RNF180: variants seen among roughly 807,000 people sequenced by gnomAD.
RNF180 encodes the protein ring finger protein 180, also known as E3 ubiquitin-protein ligase RNF180.
RNF180 carries 38 observed loss-of-function variants against 59.2 expected under a neutral mutation model. The ratio of observed to expected loss-of-function variants is 0.64; its 90% CI spans 0.50 to 0.84. RNF180 has a LOEUF of 0.84. Ranked by LOEUF, RNF180 falls within the 40% of genes least tolerant of loss-of-function variation. The pLI, the probability that RNF180 is intolerant of heterozygous loss-of-function variation, is 0.00. For synonymous variants in RNF180, 262 were observed against 240.3 expected (o/e 1.09, Z -0.84); for missense variants, 705 against 700.9 (o/e 1.01, Z -0.07).
intron 4 of RNF180, among the ~76,000 whole-genome samples, chr5:64,215,240 A>G (rs1371723940): frequency 2.6e-5 from 4 of 152,134 alleles, no homozygotes; most frequent in Non-Finnish European, 4.4e-5. Context: ...TCGAACCAAT[A>G]TGTTTCTGAA....
At chr5:64,246,585 C>A (rs1328963788) in intron 5 of RNF180, among the ~76,000 whole-genome samples, 1 of 152,194 alleles carries the variant, frequency 6.6e-6, no homozygotes, top group Non-Finnish European at 1.5e-5. Context: ...CCTGAATAGA[C>A]CAATAACAAG....
At chr5:64,266,789 A>T (rs1744704761) in intron 5 of RNF180, among the ~76,000 whole-genome samples, 1 of 152,166 alleles carries the variant, frequency 6.6e-6, no homozygotes, top group Admixed American at 6.6e-5. Flanking sequence ...CAGGACAGAT[A>T]GATGTGTATT....
At chr5:64,252,663 G>A (rs1743659562) in intron 5 of RNF180, among the ~76,000 whole-genome samples, 1 of 152,148 alleles carries the variant, frequency 6.6e-6, no homozygotes, top group Admixed American at 6.6e-5. Context: ...CATGAGGACA[G>A]CTGCCCAGAA....
At chr5:64,226,120 G>A (rs1741738727) in intron 5 of RNF180, among the ~76,000 whole-genome samples, 2 of 152,220 alleles carry the variant, frequency 1.3e-5, no homozygotes, top group Middle Eastern at 3.4e-3. Context: ...AGTGAGGAGT[G>A]CCTCTGCCCG....
intron 4 of RNF180, among the ~76,000 whole-genome samples, chr5:64,217,105 C>T (rs765259804): frequency 6.6e-6 from 1 of 152,056 alleles, no homozygotes; most frequent in African/African-American, 2.4e-5. Context: ...ATATAGAATC[C>T]TATAGTATAC....
At chr5:64,291,180 G>C (rs148609148) in intron 5 of RNF180, among the ~76,000 whole-genome samples, 2 of 152,236 alleles carry the variant, frequency 1.3e-5, no homozygotes, top group East Asian at 1.9e-4. Flanking sequence ...CTGACTTGTA[G>C]AGTTTCCACT....
intron 5 of RNF180, among the ~76,000 whole-genome samples, chr5:64,261,572 T>A (rs1356117825): frequency 6.6e-6 from 1 of 152,236 alleles, no homozygotes; most frequent in Admixed American, 6.5e-5. Flanking sequence ...TAGGATGTTA[T>A]TTATTTTTGA....
Position 64,325,404 on chromosome 5 carries a change from C to T in RNF180, c.1446C>T (p.Phe482=), listed in dbSNP as rs532086334. ...LCRTIISRVF[F]QTELNNATKT... ...GGACAATTATTTCTAGAGTCTTTTT[C>T]CAAACAGGTAACAATTCTCTTTCAT... Residue 482 remains phenylalanine, a synonymous_variant, in exon 6 of 8, where the codon TTC becomes TTT. Coordinates refer to ENST00000389100, the MANE Select transcript of RNF180 (RefSeq NM_001113561.2). The T allele has an allele frequency of 1.9e-6, 3 of 1,540,718 alleles. No individual in the cohort carries two copies. The highest frequency in any genetic ancestry group is 1.4e-5 in the African/African-American group (1 of 72,940).
chr5:64,367,999 G>GT lies in RNF180; in HGVS notation c.1580-1610dup, dbSNP rs1343075352. 1.1e-4 allele frequency among the ~76,000 whole-genome samples: 17 copies of GT among 151,774 alleles called. 1 individual carries two copies. In the East Asian group the frequency reaches 2.3e-3, roughly 21 times the overall value. ...AAAAAAACAAGTTGCTATTGAGCAGGTTTTTTCTCAAGCTCTAATTAGCAT... is the reference window on the plus strand; with the variant it reads ...AAAAAAACAAGTTGCTATTGAGCAGGTTTTTTTCTCAAGCTCTAATTAGCAT... On this transcript the variant is annotated intron_variant, in intron 7 of 7. Transcript: ENST00000389100.
intron 1 of RNF180, among the ~76,000 whole-genome samples, chr5:64,194,497 T>A (rs1323392091): frequency 6.6e-6 from 1 of 152,216 alleles, no homozygotes; most frequent in Non-Finnish European, 1.5e-5. Flanking sequence ...CAGCATGATT[T>A]ATAATCCTTT....
At chr5:64,304,277 G>A (rs1337489050) in intron 5 of RNF180, among the ~76,000 whole-genome samples, 1 of 151,594 alleles carries the variant, frequency 6.6e-6, no homozygotes, top group Non-Finnish European at 1.5e-5. Flanking sequence ...ATGGATCAAG[G>A]AGTAATTCTG....
chr5:64,371,483 T>G lies in RNF180; in HGVS notation c.*1669T>G, dbSNP rs1022168612. 3.3e-5 allele frequency: 5 copies of G among 151,622 alleles called. No homozygotes were observed. The highest frequency in any genetic ancestry group is 1.2e-4 in the African/African-American group (5 of 41,414). 9.4% of individuals were successfully genotyped at this position (151,622 alleles called of 1,614,324 possible). A position where few individuals can be genotyped will look rare whatever the true frequency, so the allele number is the denominator to read the frequency against. On this transcript the variant is annotated 3_prime_UTR_variant, in exon 8 of 8. Transcript: ENST00000389100. ...TAAATCACAATAAAGGTTTTAATTA[T>G]GTATAAACTAAATAAGTATTATTAT...
intron 5 of RNF180, among the ~76,000 whole-genome samples, chr5:64,250,820 A>C (rs62372499): frequency 6.6e-6 from 1 of 152,142 alleles, no homozygotes; most frequent in South Asian, 2.1e-4. Context: ...TGATTCAAGA[A>C]ATTGAAGAGG....
intron 7 of RNF180, among the ~76,000 whole-genome samples, chr5:64,338,135 T>C (rs889494469): frequency 6.6e-6 from 1 of 152,234 alleles, no homozygotes; most frequent in Non-Finnish European, 1.5e-5. Flanking sequence ...TTATCATATT[T>C]AACAACCTTA....
intron 1 of RNF180, among the ~76,000 whole-genome samples, chr5:64,171,954 TGG>T (rs1321172291): frequency 6.6e-6 from 1 of 152,154 alleles, no homozygotes; most frequent in Non-Finnish European, 1.5e-5. Flanking sequence ...CTCACAGAGT[TGG>T]GTAACATCTT....
intron 7 of RNF180, among the ~76,000 whole-genome samples, chr5:64,348,456 TA>T (rs1745641925): frequency 6.6e-6 from 1 of 152,096 alleles, no homozygotes; most frequent in Admixed American, 6.6e-5. Flanking sequence ...TATTCACTTT[TA>T]AAAGAGATTA....
At chr5:64,350,024 T>C (rs971834774) in intron 7 of RNF180, among the ~76,000 whole-genome samples, 5 of 152,190 alleles carry the variant, frequency 3.3e-5, no homozygotes, top group Non-Finnish European at 7.3e-5. Flanking sequence ...TAGTTTACAG[T>C]CCCACCAACA....
At chr5:64,363,007 T>A (rs1389311769) in intron 7 of RNF180, among the ~76,000 whole-genome samples, 1 of 151,626 alleles carries the variant, frequency 6.6e-6, no homozygotes, top group Non-Finnish European at 1.5e-5. Flanking sequence ...TTTGCAAAAA[T>A]TTTCTCTCAT....
chr5:64,185,020 C>CTGTTTCA (rs1444813096), intron 1 of RNF180, among the ~76,000 whole-genome samples: 1 of 152,202 alleles, frequency 6.6e-6, no homozygotes, highest in Admixed American at 6.5e-5. Flanking sequence ...ACTGTCCTTT[C>CTGTTTCA]TGTTTCACTG....
Sources: gnomAD v4.1 joint callset for allele counts (sites outside exome capture counted in the v4.1 genomes callset) on GRCh38, gnomAD v4.1.1 for gene constraint, MANE v1.5 for transcripts, NCBI Gene and HGNC (gene_info 2026-07-23, HGNC 2026-07-21) for gene names.